The following NAV1 variants were observed in gnomAD, a reference collection of about 807,000 sequenced individuals.
The protein encoded by NAV1 is neuron navigator 1.
NAV1 carries 18 observed loss-of-function variants against 175.2 expected under a neutral mutation model. The observed-to-expected ratio is 0.10, with a 90% confidence interval of 0.07 to 0.15. The LOEUF (loss-of-function observed/expected upper bound fraction) is 0.15. Among genes scored for constraint, NAV1 ranks in the 10% least tolerant of loss-of-function variants. The pLI is 1.00. For synonymous variants in NAV1, 897 were observed against 978.7 expected, an observed-to-expected ratio of 0.92 and a Z score of 1.56; for missense variants, 1,731 against 2,436.6, an observed-to-expected ratio of 0.71 and a Z score of 6.10.
chr1:201,635,206 C>CTT (rs3054496), intron 2 of NAV1, among the ~76,000 whole-genome samples: 16,366 of 144,848 alleles, frequency 0.11, 1,171 homozygotes, highest in African/African-American at 0.21. Context: ...ACCTGGCTAT[C>CTT]TTTTTTTTTT....
intron 1 of NAV1, among the ~76,000 whole-genome samples, chr1:201,660,868 A>G (rs1669583438): frequency 6.6e-6 from 1 of 152,156 alleles, no homozygotes; most frequent in Non-Finnish European, 1.5e-5. Flanking sequence ...GTCCCAGAGG[A>G]AGGGCCCAGG....
chr1:201,669,825 C>G (rs1669966251), intron 1 of NAV1, among the ~76,000 whole-genome samples: 1 of 152,092 alleles, frequency 6.6e-6, no homozygotes. Flanking sequence ...GGCTGAAGAA[C>G]TGACCAGGGA....
At chr1:201,599,522 G>A (rs754387089) in intron 2 of NAV1, among the ~76,000 whole-genome samples, 12 of 152,198 alleles carry the variant, frequency 7.9e-5, no homozygotes, top group Non-Finnish European at 1.5e-4. Context: ...TGACCCACAG[G>A]TGGTACAGAA....
chr1:201,651,122 CGT>C (rs60462710), intron 1 of NAV1, among the ~76,000 whole-genome samples: 1,803 of 129,118 alleles, frequency 0.014, 21 homozygotes, highest in African/African-American at 0.028. Flanking sequence ...AGGAAGGGAC[CGT>C]GTGTGTGTGT....
chr1:201,581,328 G>A (rs1292009013), intron 1 of NAV1, among the ~76,000 whole-genome samples: 1 of 152,182 alleles, frequency 6.6e-6, no homozygotes, highest in Middle Eastern at 3.2e-3. Context: ...GAGAAAGGAG[G>A]AGCTTAACGC....
chr1:201,760,961 G>T (rs1674798754), intron 3 of NAV1, among the ~76,000 whole-genome samples: 1 of 152,158 alleles, frequency 6.6e-6, no homozygotes, highest in South Asian at 2.1e-4. Flanking sequence ...ATTTGTGTTT[G>T]TTTCTGTTTT....
chr1:201,807,976 G>C lies in NAV1; in HGVS notation c.3672G>C (p.Ala1224=). The stretch of plus-strand genomic sequence containing the variant: ...AGCTTCGAAGTTCCTTCAACAAAGC[G>C]TTCAGTATAAAAAAGGGGCCCAAGT... The change falls in exon 18 of 30, where the codon GCG becomes GCC. Residue 1224 remains alanine (A), a synonymous_variant. Transcript: ENST00000367296. This position sits in a 1 kb window ranked among gnomAD's most constrained non-coding sequence, Gnocchi z 5.4. The C allele has an allele frequency of 1.2e-6, 2 of 1,613,826 alleles. No homozygotes were observed. The highest frequency in any genetic ancestry group is 2.2e-5 in the South Asian group (2 of 91,068).
chr1:201,564,213 A>G (rs960656514), intron 1 of NAV1, among the ~76,000 whole-genome samples: 5 of 151,582 alleles, frequency 3.3e-5, no homozygotes, highest in Non-Finnish European at 5.9e-5. Flanking sequence ...GGTCTGGCTC[A>G]TTGTAGATGG....
At chr1:201,650,843 A>G (rs1043331706) in intron 1 of NAV1, among the ~76,000 whole-genome samples, 7 of 152,094 alleles carry the variant, frequency 4.6e-5, no homozygotes, top group Non-Finnish European at 8.8e-5. Context: ...TTCCCCTGGG[A>G]GCCCCTCCTG....
intron 1 of NAV1, among the ~76,000 whole-genome samples, chr1:201,668,064 C>T (rs1184749462): frequency 1.3e-5 from 2 of 152,204 alleles, no homozygotes; most frequent in Admixed American, 6.5e-5. Context: ...CTTCCTCCTG[C>T]TGAGGGATCC....
rs150339527 is a variant in NAV1, at chr1:201,552,000, T to C, written c.-144+12658T>C. Among the ~76,000 whole-genome samples, 323 of 152,226 alleles carry C rather than the reference T, an allele frequency of 2.1e-3. 2 individuals carry two copies. The highest frequency in any genetic ancestry group is 7.7e-3 in the African/African-American group (318 of 41,546). ...CACCCCTCTTAGTCATCTCCCCACT[T>C]CCTCTTGCTGGCCATGGCCAGAAAG... On this transcript the variant is annotated intron_variant, in intron 1 of 33. Coordinates refer to the NAV1 transcript ENST00000685211.
At chr1:201,744,647 GGGCC>G (rs1673655050) in intron 3 of NAV1, among the ~76,000 whole-genome samples, 1 of 152,144 alleles carries the variant, frequency 6.6e-6, no homozygotes, top group Non-Finnish European at 1.5e-5. Flanking sequence ...CAGCAAGCAG[GGGCC>G]ATACTTTGAG....
chr1:201,781,558 G>T (rs59037509), intron 5 of NAV1, among the ~76,000 whole-genome samples: 2,643 of 152,266 alleles, frequency 0.017, 73 homozygotes, highest in African/African-American at 0.059. Context: ...CAGTTAATAT[G>T]AGGTACAGGA....
At chr1:201,724,677 G>C (rs1571908392) in intron 3 of NAV1, 2 of 152,712 alleles carry the variant, frequency 1.3e-5, no homozygotes, top group Admixed American at 6.5e-5. Flanking sequence ...GAGTCAGCAG[G>C]CTCCATCTTG....
At chr1:201,814,987 C>T (rs1420601650) in intron 28 of NAV1, among the ~76,000 whole-genome samples, 4 of 144,164 alleles carry the variant, frequency 2.8e-5, no homozygotes, top group Non-Finnish European at 4.5e-5. Context: ...TGCAGTGAGC[C>T]GAGATCACCG....
intron 3 of NAV1, among the ~76,000 whole-genome samples, chr1:201,753,191 A>G (rs1012490968): frequency 6.6e-6 from 1 of 152,214 alleles, no homozygotes; most frequent in African/African-American, 2.4e-5. Flanking sequence ...AGAAAAAACT[A>G]TCACGTAAAT....
At chr1:201,789,911 T>G in intron 11 of NAV1, 119 bp downstream of exon 15, 1 of 951,712 alleles carries the variant, frequency 1.1e-6, no homozygotes, top group Non-Finnish European at 1.7e-6. Flanking sequence ...GGCTCTTCAC[T>G]GTACCCATTG....
intron 1 of NAV1, among the ~76,000 whole-genome samples, chr1:201,707,384 A>G (rs901190642): frequency 6.6e-6 from 1 of 152,206 alleles, no homozygotes; most frequent in Non-Finnish European, 1.5e-5. Flanking sequence ...TACTATAAGC[A>G]TGTTTGTGAA....
rs1328660861 is a variant in NAV1, at chr1:201,812,976, G to A, written c.5222-164G>A. 1.3e-5 allele frequency among the ~76,000 whole-genome samples: 2 copies of A among 152,166 alleles called. No individual in the cohort carries two copies. The highest frequency in any genetic ancestry group is 4.8e-5 in the African/African-American group (2 of 41,436). On this transcript the variant is annotated intron_variant, in intron 27 of 29. Coordinates refer to ENST00000367296, the Ensembl canonical transcript of NAV1. The surrounding 1 kb of genome is among the most constrained non-coding windows in gnomAD (Gnocchi z 4.6). ...CTACCTTGTGAAGCAGGACTTATGA[G>A]ATTGCCATCTAGGCAGTCAGCACCC...
Sources: allele counts gnomAD v4.1 joint callset (sites outside exome capture counted in the v4.1 genomes callset), GRCh38; gene constraint gnomAD v4.1.1; non-coding constraint Gnocchi (gnomAD v3.1); transcripts MANE v1.5; gene names NCBI Gene and HGNC (gene_info 2026-07-23, HGNC 2026-07-21).